Variants in LMBR1 observed in about 807,000 individuals in gnomAD.
LMBR1 encodes limb region 1 protein homolog.
Under a neutral mutation model 73.9 loss-of-function variants are expected in LMBR1, and 52 were observed. That is an observed-to-expected ratio of 0.70 (90% CI 0.56 to 0.89). The LOEUF (loss-of-function observed/expected upper bound fraction) is 0.89. Ranked by LOEUF, LMBR1 falls within the 40% of genes least tolerant of loss-of-function variation. The pLI is 0.00. For missense variants in LMBR1, 539 were observed against 579.8 expected (o/e 0.93, Z 0.72); for synonymous variants, 215 against 209.4 (o/e 1.03, Z -0.23).
chr7:156,765,218 TG>T (rs1213535390), intron 5 of LMBR1, among the ~76,000 whole-genome samples: 3 of 152,196 alleles, frequency 2.0e-5, no homozygotes, highest in Non-Finnish European at 4.4e-5. Context: ...CATCTCGAAT[TG>T]TAATTCCCAT....
intron 9 of LMBR1, among the ~76,000 whole-genome samples, chr7:156,750,634 G>A (rs1005768605): frequency 6.6e-6 from 1 of 152,086 alleles, no homozygotes; most frequent in Admixed American, 6.5e-5. Context: ...TCACTTCTAT[G>A]GTAAAATGAC....
chr7:156,827,428 C>A (rs1396232427), intron 3 of LMBR1, among the ~76,000 whole-genome samples: 2 of 151,968 alleles, frequency 1.3e-5, no homozygotes, highest in African/African-American at 4.8e-5. Flanking sequence ...AACATGTTCT[C>A]CCCCCACCAA....
intron 16 of LMBR1, among the ~76,000 whole-genome samples, chr7:156,687,547 A>G (rs910922461): frequency 3.9e-5 from 6 of 152,230 alleles, no homozygotes; most frequent in Admixed American, 2.6e-4. Context: ...TATTACATCA[A>G]TGCCAAGAAT....
chr7:156,712,683 G>T, intron 15 of LMBR1, among the ~76,000 whole-genome samples: 1 of 152,172 alleles, frequency 6.6e-6, no homozygotes, highest in East Asian at 1.9e-4. Flanking sequence ...AATTCAGCCA[G>T]AGCAAAGAAT....
At chr7:156,693,035 G>A (rs1424232536) in intron 15 of LMBR1, among the ~76,000 whole-genome samples, 1 of 151,002 alleles carries the variant, frequency 6.6e-6, no homozygotes, top group African/African-American at 2.4e-5. Flanking sequence ...GAAGAGATTA[G>A]TAAATTTAAA....
At chr7:156,797,213 G>A (rs1436069315) in intron 4 of LMBR1, among the ~76,000 whole-genome samples, 2 of 152,138 alleles carry the variant, frequency 1.3e-5, no homozygotes, top group Non-Finnish European at 2.9e-5. Flanking sequence ...TTCCTCCCTG[G>A]CACAAAATGG....
At chr7:156,686,394 A>G (rs77066488) in intron 16 of LMBR1, among the ~76,000 whole-genome samples, 1 of 151,890 alleles carries the variant, frequency 6.6e-6, no homozygotes, top group African/African-American at 2.4e-5. Context: ...AAAAAAAAAG[A>G]AAGAAAGGGG....
intron 1 of LMBR1, among the ~76,000 whole-genome samples, chr7:156,870,638 G>A (rs750892747): frequency 6.6e-6 from 1 of 151,784 alleles, no homozygotes; most frequent in Admixed American, 6.6e-5. Context: ...GGCAGCAGGC[G>A]CCTGTAATCC....
intron 1 of LMBR1, among the ~76,000 whole-genome samples, chr7:156,856,124 G>C (rs893188141): frequency 6.6e-6 from 1 of 152,052 alleles, no homozygotes; most frequent in Admixed American, 6.5e-5. Context: ...GAACCTGGGA[G>C]GCGGAGCTTG....
chr7:156,861,083 A>G (rs1434931953), intron 1 of LMBR1, among the ~76,000 whole-genome samples: 1 of 152,110 alleles, frequency 6.6e-6, no homozygotes. Context: ...GGTGGCTCCA[A>G]CCCCACATTT....
downstream of LMBR1, among the ~76,000 whole-genome samples, chr7:156,672,988 G>A (rs764870063): frequency 5.3e-5 from 8 of 152,214 alleles, no homozygotes; most frequent in Non-Finnish European, 1.0e-4. Context: ...CTGTGGCCTC[G>A]GCAGGCCCGG....
intron 7 of LMBR1, 94 bp from the exon 8 acceptor site, chr7:156,762,292 A>G: frequency 1.3e-6 from 1 of 779,174 alleles, no homozygotes; most frequent in Non-Finnish European, 2.2e-6. Flanking sequence ...GGGAAATTCA[A>G]GGATTATCAT....
chr7:156,839,377 A>G (rs2133950715), intron 1 of LMBR1, among the ~76,000 whole-genome samples: 1 of 152,122 alleles, frequency 6.6e-6, no homozygotes, highest in African/African-American at 2.4e-5. Context: ...TTAATTGTTT[A>G]ATTTCAATTG....
At chr7:156,829,652 G>C (rs1296107593) in intron 3 of LMBR1, among the ~76,000 whole-genome samples, 2 of 152,104 alleles carry the variant, frequency 1.3e-5, no homozygotes, top group Non-Finnish European at 2.9e-5. Flanking sequence ...AACACTATCA[G>C]GCTCTTCCTA....
At chr7:156,791,677 G>A in intron 5 of LMBR1, among the ~76,000 whole-genome samples, 1 of 152,198 alleles carries the variant, frequency 6.6e-6, no homozygotes, top group East Asian at 1.9e-4. Flanking sequence ...AAGAAAGGAA[G>A]TTACCTAAAA....
chr7:156,706,022 A>T (rs964009043), intron 15 of LMBR1, among the ~76,000 whole-genome samples: 2 of 152,144 alleles, frequency 1.3e-5, no homozygotes, highest in Admixed American at 6.5e-5. Context: ...CCAACCATAC[A>T]CTGCTCACAA....
intron 15 of LMBR1, among the ~76,000 whole-genome samples, chr7:156,708,480 T>C (rs958560481): frequency 5.3e-5 from 8 of 152,116 alleles, no homozygotes; most frequent in African/African-American, 1.9e-4. Flanking sequence ...AAGAGCCCTG[T>C]AGGCTCTCCC....
intron 1 of LMBR1, among the ~76,000 whole-genome samples, chr7:156,849,705 T>C (rs868450787): frequency 1.3e-5 from 2 of 152,176 alleles, no homozygotes; most frequent in African/African-American, 4.8e-5. Context: ...AGGCAGAGCT[T>C]AGAGAACTTT....
intron 1 of LMBR1, among the ~76,000 whole-genome samples, chr7:156,843,870 A>C (rs546876063): frequency 6.6e-6 from 1 of 151,476 alleles, no homozygotes; most frequent in South Asian, 2.1e-4. Context: ...AGATTCAGGG[A>C]TTTAGTGCAC....
Sources: gnomAD v4.1 joint callset for allele counts (sites outside exome capture counted in the v4.1 genomes callset) on GRCh38, gnomAD v4.1.1 for gene constraint, MANE v1.5 for transcripts, NCBI Gene and HGNC (gene_info 2026-07-23, HGNC 2026-07-21) for gene names.